ANAPC10: variants seen among roughly 807,000 people sequenced by gnomAD.
ANAPC10 encodes the protein anaphase promoting complex subunit 10.
Under a neutral mutation model 22.0 loss-of-function variants are expected in ANAPC10, and 12 were observed. That is an observed-to-expected ratio of 0.55 (90% CI 0.35 to 0.88). The LOEUF (loss-of-function observed/expected upper bound fraction) is 0.88, where lower values mean the gene tolerates loss of function less well. ANAPC10 is among the 40% of genes least tolerant of loss of function. ANAPC10 has a pLI of 0.01. For synonymous variants in ANAPC10, 65 were observed against 69.5 expected, an observed-to-expected ratio of 0.94 and a Z score of 0.32; for missense variants, 188 against 220.9, an observed-to-expected ratio of 0.85 and a Z score of 0.94.
At chr4:145,080,208 AG>A (rs1012627672) in intron 3 of ANAPC10, among the ~76,000 whole-genome samples, 5 of 152,200 alleles carry the variant, frequency 3.3e-5, no homozygotes, top group Non-Finnish European at 5.9e-5. Context: ...GGTGAAGGAA[AG>A]GAAGAAGGTG....
intron 4 of ANAPC10, among the ~76,000 whole-genome samples, chr4:145,012,156 A>G (rs1471006175): frequency 7.0e-6 from 1 of 142,456 alleles, no homozygotes; most frequent in African/African-American, 2.6e-5. Flanking sequence ...ATTACAAGCT[A>G]TATGTATATG....
chr4:145,081,957 G>A (rs1159857826), intron 2 of ANAPC10, among the ~76,000 whole-genome samples: 7 of 152,118 alleles, frequency 4.6e-5, no homozygotes, highest in Non-Finnish European at 8.8e-5. Flanking sequence ...TGATCCTCCT[G>A]CCTTGGCCTC....
At chr4:145,052,948 T>C (rs1465509978) in intron 4 of ANAPC10, among the ~76,000 whole-genome samples, 2 of 151,252 alleles carry the variant, frequency 1.3e-5, no homozygotes, top group African/African-American at 4.9e-5. Context: ...TAGCAGCATA[T>C]ATACAGTCTC....
At chr4:145,024,217 T>A (rs1202772170) in intron 4 of ANAPC10, among the ~76,000 whole-genome samples, 1 of 152,236 alleles carries the variant, frequency 6.6e-6, no homozygotes, top group African/African-American at 2.4e-5. Context: ...CTTTCTCAAC[T>A]GAAGTCTTGA....
chr4:145,032,704 G>A (rs1284750720), intron 4 of ANAPC10, among the ~76,000 whole-genome samples: 2 of 152,138 alleles, frequency 1.3e-5, no homozygotes, highest in African/African-American at 4.8e-5. Flanking sequence ...ACGTGGCTAC[G>A]GCCACTGATG....
intron 4 of ANAPC10, among the ~76,000 whole-genome samples, chr4:145,003,436 T>A (rs1200214113): frequency 6.6e-6 from 1 of 152,168 alleles, no homozygotes; most frequent in African/African-American, 2.4e-5. Context: ...CCATTTTTAA[T>A]CTCTTTGAGA....
chr4:145,076,337 C>G (rs1284808222), intron 3 of ANAPC10, among the ~76,000 whole-genome samples: 1 of 152,158 alleles, frequency 6.6e-6, no homozygotes, highest in Non-Finnish European at 1.5e-5. Context: ...CTGAGCTGAG[C>G]CTTGGTACCC....
At chr4:145,082,034 C>A (rs771316366) in intron 2 of ANAPC10, among the ~76,000 whole-genome samples, 3 of 152,126 alleles carry the variant, frequency 2.0e-5, no homozygotes, top group Admixed American at 1.3e-4. Flanking sequence ...AACCAGAATT[C>A]TTCTACCCTT....
intron 4 of ANAPC10, among the ~76,000 whole-genome samples, chr4:145,028,104 C>T (rs913319580): frequency 2.6e-5 from 4 of 152,094 alleles, no homozygotes; most frequent in African/African-American, 7.2e-5. Context: ...ATGGTTAATA[C>T]CGAGTGTCAA....
At chr4:145,098,071 G>T (rs1162478432) in intron 1 of ANAPC10, 49 bp downstream of exon 1, 1 of 154,358 alleles carries the variant, frequency 6.5e-6, no homozygotes, top group African/African-American at 2.4e-5. Flanking sequence ...GAATGCATCT[G>T]TTTACGCTAG....
chr4:145,010,580 A>G (rs1264290740), intron 4 of ANAPC10, among the ~76,000 whole-genome samples: 1 of 152,146 alleles, frequency 6.6e-6, no homozygotes, highest in Non-Finnish European at 1.5e-5. Flanking sequence ...AAGACAGAAC[A>G]CCGAACACCA....
chr4:145,039,784 C>T (rs745552537), intron 4 of ANAPC10, among the ~76,000 whole-genome samples: 21 of 151,894 alleles, frequency 1.4e-4, no homozygotes, highest in Admixed American at 2.6e-4. Context: ...TCAGTAGAGA[C>T]GTGGTTTCAC....
At chr4:145,033,276 C>T (rs1044630592) in intron 4 of ANAPC10, 16 of 154,460 alleles carry the variant, frequency 1.0e-4, no homozygotes, top group Middle Eastern at 3.3e-3. Context: ...ACCATCACCC[C>T]TGGTGATCCA....
intron 4 of ANAPC10, among the ~76,000 whole-genome samples, chr4:145,044,810 C>T (rs1287875756): frequency 6.6e-6 from 1 of 151,972 alleles, no homozygotes; most frequent in South Asian, 2.1e-4. Flanking sequence ...GTTAATAACA[C>T]ACTATAATTA....
chr4:144,999,607 C>T (rs1036306746), intron 4 of ANAPC10, among the ~76,000 whole-genome samples: 15 of 152,098 alleles, frequency 9.9e-5, no homozygotes, highest in Non-Finnish European at 1.5e-4. Context: ...GAATCAATAT[C>T]GTGAAAATGG....
At chr4:145,051,998 A>G (rs1212236193) in intron 4 of ANAPC10, among the ~76,000 whole-genome samples, 2 of 152,200 alleles carry the variant, frequency 1.3e-5, no homozygotes, top group African/African-American at 4.8e-5. Flanking sequence ...TTTAAGTAAC[A>G]TTTTAAAAAA....
intron 2 of ANAPC10, among the ~76,000 whole-genome samples, chr4:145,087,053 G>A (rs1288092059): frequency 1.3e-5 from 2 of 151,834 alleles, no homozygotes; most frequent in African/African-American, 4.8e-5. Context: ...TGCAAAGTCT[G>A]GCTTGGTCTT....
chr4:145,026,920 C>CATAT (rs150548781), intron 4 of ANAPC10, among the ~76,000 whole-genome samples: 788 of 16,974 alleles, frequency 0.046, 41 homozygotes, highest in Non-Finnish European at 0.092. Context: ...CCTATACATA[C>CATAT]ATATATATAT....
intron 4 of ANAPC10, among the ~76,000 whole-genome samples, chr4:145,040,015 C>CT (rs1355867181): frequency 6.6e-6 from 1 of 152,174 alleles, no homozygotes; most frequent in Non-Finnish European, 1.5e-5. Flanking sequence ...AGCCCATGCT[C>CT]TTGGATCTTT....
Sources: gnomAD v4.1 joint callset for allele counts (sites outside exome capture counted in the v4.1 genomes callset) on GRCh38, gnomAD v4.1.1 for gene constraint, MANE v1.5 for transcripts, NCBI Gene and HGNC (gene_info 2026-07-23, HGNC 2026-07-21) for gene names.